AK3: variants seen among roughly 807,000 people sequenced by gnomAD.
AK3 encodes the protein adenylate kinase 3, also known as GTP:AMP phosphotransferase AK3, mitochondrial.
Under a neutral mutation model 23.7 loss-of-function variants are expected in AK3, and 27 were observed. That is an observed-to-expected ratio of 1.14 (90% CI 0.84 to 1.57). The LOEUF (loss-of-function observed/expected upper bound fraction) is 1.57, where lower values mean the gene tolerates loss of function less well. Among genes scored for constraint, AK3 ranks in the 40% most tolerant of loss-of-function variants. The pLI is 0.00. For synonymous variants in AK3, 159 were observed against 116.0 expected, an observed-to-expected ratio of 1.37 and a Z score of -2.38; for missense variants, 406 against 285.6, an observed-to-expected ratio of 1.42 and a Z score of -3.04.
chr9:4,734,852 G>A (rs777050488), intron 1 of AK3, among the ~76,000 whole-genome samples: 40 of 152,184 alleles, frequency 2.6e-4, no homozygotes, highest in Non-Finnish European at 4.9e-4. Context: ...ATGCTATAGT[G>A]TGGATGAGCC....
Position 4,712,899 on chromosome 9 carries a change from C to A in AK3, c.*77G>T. On this transcript the variant is annotated 3_prime_UTR_variant, in exon 5 of 5. Transcript: ENST00000381809. ...CAAAGAATTCATACATACTAGAAGT[C>A]TTAGGAAAAGCAGCTTCTAAATGCA... 2 of 1,503,468 alleles carry A rather than the reference C, an allele frequency of 1.3e-6. No individual in the cohort carries two copies. Among genetic ancestry groups the A allele is most frequent in the East Asian group, 2.3e-5 (1 of 43,970 alleles). 93.1% of individuals were successfully genotyped at this position (1,503,468 alleles called of 1,614,324 possible). A position where few individuals can be genotyped will look rare whatever the true frequency, so the allele number is the denominator to read the frequency against.
intron 4 of AK3, among the ~76,000 whole-genome samples, chr9:4,713,937 T>TA: frequency 1.3e-5 from 2 of 150,924 alleles, no homozygotes; most frequent in African/African-American, 2.4e-5. Context: ...TATACACACC[T>TA]CCACATATAC....
At chr9:4,727,470 C>T (rs1166018922) in intron 1 of AK3, among the ~76,000 whole-genome samples, 1 of 152,198 alleles carries the variant, frequency 6.6e-6, no homozygotes, top group East Asian at 1.9e-4. Flanking sequence ...ACCTCATGAA[C>T]CAACCTCTGC....
intron 1 of AK3, among the ~76,000 whole-genome samples, chr9:4,734,021 A>G (rs1842213887): frequency 6.6e-6 from 1 of 152,152 alleles, no homozygotes. Context: ...AGATGGAAGT[A>G]TGTCTCCCCT....
intron 1 of AK3, 29 bp downstream of exon 1, chr9:4,740,908 A>G (rs1314265853): frequency 6.7e-7 from 1 of 1,498,282 alleles, no homozygotes; most frequent in Non-Finnish European, 8.9e-7. Context: ...GTGACAGCGC[A>G]CGGCCGGCCC....
chr9:4,740,160 A>G (rs1295527468), intron 1 of AK3, among the ~76,000 whole-genome samples: 1 of 151,820 alleles, frequency 6.6e-6, no homozygotes, highest in Non-Finnish European at 1.5e-5. Context: ...AACGGGTTCT[A>G]TTTTGAAAAG....
At chr9:4,716,897 C>CT (rs1206153334) in intron 4 of AK3, among the ~76,000 whole-genome samples, 2 of 152,298 alleles carry the variant, frequency 1.3e-5, no homozygotes, top group East Asian at 3.9e-4. Flanking sequence ...AACCACTGCA[C>CT]TCCAACCTGG....
rs1174141627 is a variant in AK3 at position 4,712,381 on chromosome 9, A to C, written c.*595T>G. 1 of 152,232 alleles carries C rather than the reference A, an allele frequency of 6.6e-6. No individual in the cohort carries two copies. The highest frequency in any genetic ancestry group is 2.4e-5 in the African/African-American group (1 of 41,472). The allele number at this position is 152,232 out of a possible 1,614,324, so 9.4% of individuals were successfully genotyped here. On this transcript the variant is annotated 3_prime_UTR_variant, in exon 5 of 5. Transcript: ENST00000381809. ...TTATAGCAAATTGAAAATTCTGAGT[A>C]AACTGAAAGTATGCTTAACGACAAA... is the stretch of plus-strand genomic sequence containing the variant.
At chr9:4,715,091 T>G (rs13292541) in intron 4 of AK3, among the ~76,000 whole-genome samples, 5 of 151,488 alleles carry the variant, frequency 3.3e-5, no homozygotes, top group African/African-American at 1.2e-4. Context: ...TGGTGGCACG[T>G]GCCTGTAGTC....
At chr9:4,738,846 A>G (rs1488842189) in intron 1 of AK3, among the ~76,000 whole-genome samples, 1 of 139,868 alleles carries the variant, frequency 7.1e-6, no homozygotes, top group African/African-American at 2.7e-5. Flanking sequence ...ATCTCGGCTC[A>G]TGACAACCTC....
intron 3 of AK3, 62 bp from the exon 4 acceptor site, chr9:4,718,599 C>T (rs915191986): frequency 1.5e-6 from 2 of 1,295,294 alleles, no homozygotes; most frequent in South Asian, 1.2e-5. Context: ...TTTTCATAAG[C>T]AGTTCAATTA....
chr9:4,712,739 C>T lies in AK3; in HGVS notation c.*237G>A, dbSNP rs1841594756. The stretch of plus-strand genomic sequence containing the variant: ...CTAACAGATGTTTTAAAGGTTCAGA[C>T]ATCGCTGATGTTTTTGAGGATAACT... On this transcript the variant is annotated 3_prime_UTR_variant, in exon 5 of 5. Coordinates refer to ENST00000381809, the MANE Select transcript of AK3 (RefSeq NM_016282.4). 3.1e-6 allele frequency: 1 copy of T among 318,480 alleles called. No individual in the cohort carries two copies. The highest frequency in any genetic ancestry group is 5.6e-6 in the Non-Finnish European group (1 of 179,718). The allele number at this position is 318,480 out of a possible 1,614,324, so 19.7% of individuals were successfully genotyped here.
rs1226682246 is a variant in AK3, at chr9:4,712,465, T to C, written c.*511A>G. 6.6e-6 allele frequency: 1 copy of C among 152,344 alleles called. No homozygotes were observed. Among genetic ancestry groups the C allele is most frequent in the Non-Finnish European group, 1.5e-5 (1 of 68,132 alleles). The allele number at this position is 152,344 out of a possible 1,614,324, so 9.4% of individuals were successfully genotyped here. A position where few individuals can be genotyped will look rare whatever the true frequency, so the allele number is the denominator to read the frequency against. The stretch of plus-strand genomic sequence containing the variant: ...TCTTAGTGTAAAGGCAGCAGTGAAT[T>C]TGTGTCTCACAATAAATCTGTAAAT... On this transcript the variant is annotated 3_prime_UTR_variant, in exon 5 of 5. Coordinates refer to ENST00000381809, the MANE Select transcript of AK3 (RefSeq NM_016282.4).
chr9:4,726,617 G>A (rs534986132), intron 1 of AK3, among the ~76,000 whole-genome samples: 1 of 151,982 alleles, frequency 6.6e-6, no homozygotes, highest in Non-Finnish European at 1.5e-5. Context: ...CACCATATGT[G>A]TAGTTACTTC....
chr9:4,733,916 G>A (rs1421151694), intron 1 of AK3, among the ~76,000 whole-genome samples: 1 of 152,104 alleles, frequency 6.6e-6, no homozygotes, highest in Non-Finnish European at 1.5e-5. Flanking sequence ...AACCTCCTAG[G>A]GAACTGGAAG....
intron 1 of AK3, among the ~76,000 whole-genome samples, chr9:4,727,231 G>A (rs748029397): frequency 2.6e-5 from 4 of 152,212 alleles, no homozygotes; most frequent in Non-Finnish European, 5.9e-5. Flanking sequence ...CCTAGCAAGA[G>A]AGTCAGCCTG....
chr9:4,740,915 G>A (rs960852830), intron 1 of AK3, 22 bp downstream of exon 1: 2 of 1,529,164 alleles, frequency 1.3e-6, no homozygotes, highest in Admixed American at 2.0e-5. Flanking sequence ...CGCACGGCCG[G>A]CCCTGGGCCC....
At position 4,722,431 on chromosome 9, in the gene AK3, A is replaced by G. The variant is rs1432419709; in HGVS notation, c.271+75T>C. On this transcript the variant is annotated intron_variant, in intron 2 of 4. Coordinates refer to ENST00000381809, the MANE Select transcript of AK3 (RefSeq NM_016282.4). ...ACCACCATCCTTGACGTCTGTCTGA[A>G]GCCCATGAAATGCTCATTCTCCTGC... The G allele has an allele frequency of 8.7e-6, 14 of 1,603,266 alleles. No homozygotes were observed. The East Asian group carries it at 2.7e-4, about 31-fold the overall frequency.
intron 4 of AK3, among the ~76,000 whole-genome samples, chr9:4,717,666 C>T (rs1841773226): frequency 6.6e-6 from 1 of 152,134 alleles, no homozygotes; most frequent in Admixed American, 6.5e-5. Flanking sequence ...CCTGTACAAC[C>T]ATCCTGCTTT....
Sources: allele counts gnomAD v4.1 joint callset (sites outside exome capture counted in the v4.1 genomes callset), GRCh38; gene constraint gnomAD v4.1.1; transcripts MANE v1.5; gene names NCBI Gene and HGNC (gene_info 2026-07-23, HGNC 2026-07-21).